CLSTN1: variants seen among roughly 807,000 people sequenced by gnomAD.
CLSTN1 encodes calsyntenin 1, also known as calsyntenin-1.
Under a neutral mutation model 108.3 loss-of-function variants are expected in CLSTN1, and 28 were observed. That is an observed-to-expected ratio of 0.26 (90% CI 0.19 to 0.35). The LOEUF is 0.35. Ranked by LOEUF, CLSTN1 falls within the 10% of genes least tolerant of loss-of-function variation. CLSTN1 has a pLI of 1.00. For missense variants in CLSTN1, 1,157 were observed against 1,302.6 expected (o/e 0.89, Z 1.72); for synonymous variants, 524 against 534.9 (o/e 0.98, Z 0.28).
At chr1:9,824,205 G>A (rs1027219188), upstream of CLSTN1, 1 of 149,720 alleles carries the variant, frequency 6.7e-6, no homozygotes, top group Non-Finnish European at 1.5e-5. This position sits in a 1 kb window ranked among gnomAD's most constrained non-coding sequence, Gnocchi z 5.0. Flanking sequence ...ACGCGCCTGG[G>A]GTGGGTTCCG....
At chr1:9,779,310 T>A (rs1206843514) in intron 1 of CLSTN1, among the ~76,000 whole-genome samples, 1 of 152,128 alleles carries the variant, frequency 6.6e-6, no homozygotes, top group East Asian at 1.9e-4. Context: ...CAGTGGCTCA[T>A]GCCTGTAATC....
chr1:9,745,213 A>G (rs1205843729), intron 7 of CLSTN1, among the ~76,000 whole-genome samples: 2 of 143,094 alleles, frequency 1.4e-5, no homozygotes, highest in Non-Finnish European at 3.0e-5. Context: ...TGGGCAACAG[A>G]GCGAGACTCC....
chr1:9,818,746 C>T (rs1391389159), intron 1 of CLSTN1, among the ~76,000 whole-genome samples: 2 of 145,172 alleles, frequency 1.4e-5, no homozygotes, highest in Non-Finnish European at 3.0e-5. Flanking sequence ...TTTTAAATTT[C>T]ACTTATAAAG....
intron 1 of CLSTN1, among the ~76,000 whole-genome samples, chr1:9,809,768 G>T (rs901287802): frequency 2.6e-5 from 4 of 151,804 alleles, no homozygotes; most frequent in Admixed American, 2.6e-4. Flanking sequence ...GGGCGCGGTG[G>T]TGGGTGCCTA....
chr1:9,817,980 C>CT (rs1291676599), intron 1 of CLSTN1, among the ~76,000 whole-genome samples: 1 of 144,994 alleles, frequency 6.9e-6, no homozygotes, highest in African/African-American at 2.5e-5. Context: ...CAAAATGTCA[C>CT]TTTTGAGGGT....
At chr1:9,810,085 AAAGGAAGG>A (rs1654670719) in intron 1 of CLSTN1, among the ~76,000 whole-genome samples, 1 of 9,916 alleles carries the variant, frequency 1.0e-4, no homozygotes, top group Non-Finnish European at 2.0e-4. Context: ...AGAGAGAGAG[AAAGGAAGG>A]AGGGAGGGAG....
chr1:9,761,483 C>T (rs908133397), intron 2 of CLSTN1, among the ~76,000 whole-genome samples: 6 of 152,140 alleles, frequency 3.9e-5, no homozygotes, highest in Admixed American at 2.0e-4. Context: ...CTCTGGGCGA[C>T]GGAGTGAGAC....
intron 7 of CLSTN1, among the ~76,000 whole-genome samples, chr1:9,746,125 G>A (rs1209277875): frequency 6.6e-6 from 1 of 152,084 alleles, no homozygotes; most frequent in Non-Finnish European, 1.5e-5. Context: ...TCCCAGGTGG[G>A]CACAGAGGCT....
intron 1 of CLSTN1, among the ~76,000 whole-genome samples, chr1:9,811,787 C>A (rs573294117): frequency 1.3e-5 from 2 of 150,192 alleles, no homozygotes; most frequent in Non-Finnish European, 3.0e-5. Context: ...ATTTGTTATC[C>A]TTTTTACTAA....
chr1:9,806,351 T>C (rs948578252), intron 1 of CLSTN1, among the ~76,000 whole-genome samples: 2 of 152,110 alleles, frequency 1.3e-5, no homozygotes, highest in Non-Finnish European at 1.5e-5. Context: ...TTAAAGTCCA[T>C]GGTAATTTTT....
chr1:9,813,534 A>G (rs1654854448), intron 1 of CLSTN1, among the ~76,000 whole-genome samples: 1 of 151,944 alleles, frequency 6.6e-6, no homozygotes. Flanking sequence ...AAAGAAAAAC[A>G]TTTTTAATAA....
chr1:9,815,932 C>G lies in CLSTN1; in HGVS notation c.91+7711G>C, dbSNP rs533990443. 2.0e-5 allele frequency among the ~76,000 whole-genome samples: 3 copies of G among 152,010 alleles called. No homozygotes were observed. In the South Asian group the frequency reaches 6.2e-4, roughly 32 times the overall value. On this transcript the variant is annotated intron_variant, in intron 1 of 18. Coordinates refer to ENST00000377298, the MANE Select transcript of CLSTN1 (RefSeq NM_001009566.3). ...GCCTGGGTGACAGAGTGAGACTCTACCTCAAAAAAAAATTTTTTTAATTTA... is the reference window on the plus strand; with the variant it reads ...GCCTGGGTGACAGAGTGAGACTCTAGCTCAAAAAAAAATTTTTTTAATTTA...
Position 9,756,513 on chromosome 1 carries a change from A to T in CLSTN1, c.215-3T>A. 6.2e-7 allele frequency: 1 copy of T among 1,612,082 alleles called. No individual in the cohort carries two copies. Among genetic ancestry groups the T allele is most frequent in the Non-Finnish European group, 8.5e-7 (1 of 1,178,346 alleles). The stretch of plus-strand genomic sequence containing the variant: ...GGTGACTGTCACCTCAAAACTCTCT[A>T]AAGGGAGAAAAGATAAGCCCATGTC... On this transcript the variant is annotated splice_polypyrimidine_tract_variant and splice_region_variant and intron_variant, in intron 2 of 18. Coordinates refer to ENST00000377298, the MANE Select transcript of CLSTN1 (RefSeq NM_001009566.3).
chr1:9,733,585 A>AGGGCAGGAGCAT, intron 15 of CLSTN1, 39 bp from the exon 16 acceptor site: 1 of 1,611,016 alleles, frequency 6.2e-7, no homozygotes, highest in Non-Finnish European at 8.5e-7. Context: ...CGGGTGGCTT[A>AGGGCAGGAGCAT]GGGCAGGAGC....
At chr1:9,757,327 C>T (rs1346554330) in intron 2 of CLSTN1, among the ~76,000 whole-genome samples, 3 of 150,570 alleles carry the variant, frequency 2.0e-5, no homozygotes, top group Non-Finnish European at 3.0e-5. Flanking sequence ...CTGCAAGCTC[C>T]GCCTCCCTGG....
intron 1 of CLSTN1, among the ~76,000 whole-genome samples, chr1:9,779,056 A>C (rs961628760): frequency 6.6e-6 from 1 of 150,898 alleles, no homozygotes; most frequent in Non-Finnish European, 1.5e-5. Context: ...AAGAAGAAGA[A>C]GGCTGGCTAT....
intron 1 of CLSTN1, among the ~76,000 whole-genome samples, chr1:9,800,767 GA>G (rs145872891): frequency 0.025 from 3,586 of 146,366 alleles, 65 homozygotes; most frequent in Non-Finnish European, 0.04. Context: ...AAATAAATAA[GA>G]AAAAAAAATA....
At position 9,730,385 on chromosome 1, in the gene CLSTN1, G is replaced by C. The variant is rs935882467; in HGVS notation, c.*123C>G. 2 of 845,456 alleles carry C rather than the reference G, an allele frequency of 2.4e-6. No homozygotes were observed. The highest frequency in any genetic ancestry group is 3.3e-5 in the African/African-American group (2 of 60,646). 52.4% of individuals were successfully genotyped at this position (845,456 alleles called of 1,614,324 possible). A position where few individuals can be genotyped will look rare whatever the true frequency, so the allele number is the denominator to read the frequency against. ...CACACCAAGCACAGCGACGATCGTG[G>C]CGGGGAGGGGTCTGCACACCTACTG... On this transcript the variant is annotated 3_prime_UTR_variant, in exon 19 of 19. Coordinates refer to ENST00000377298, the MANE Select transcript of CLSTN1 (RefSeq NM_001009566.3). This position sits in a 1 kb window ranked among gnomAD's most constrained non-coding sequence, Gnocchi z 5.6.
chr1:9,749,378 A>T (rs1425674947), intron 7 of CLSTN1, 83 bp downstream of exon 7: 9 of 1,250,418 alleles, frequency 7.2e-6, no homozygotes, highest in Non-Finnish European at 1.0e-5. Context: ...TATGAACACA[A>T]CACACACAAG....
Sources: gnomAD v4.1 joint callset for allele counts (sites outside exome capture counted in the v4.1 genomes callset) on GRCh38, gnomAD v4.1.1 for gene constraint, Gnocchi (gnomAD v3.1) non-coding constraint, MANE v1.5 for transcripts, NCBI Gene and HGNC (gene_info 2026-07-23, HGNC 2026-07-21) for gene names.